The following ALK variants were observed in gnomAD, a reference collection of about 807,000 sequenced individuals.
The protein encoded by ALK is ALK receptor tyrosine kinase, also known as ALK tyrosine kinase receptor.
A neutral mutation model predicts 163.1 loss-of-function variants in ALK; 74 were observed. That is an observed-to-expected ratio of 0.45 (90% CI 0.38 to 0.55). The LOEUF is 0.55. Among genes scored for constraint, ALK ranks in the 20% least tolerant of loss-of-function variants. The pLI is 0.00. For missense variants in ALK, 2,063 were observed against 2,105.3 expected (o/e 0.98, Z 0.39); for synonymous variants, 960 against 843.2 (o/e 1.14, Z -2.40).
intron 1 of ALK, among the ~76,000 whole-genome samples, chr2:29,766,737 G>T (rs1168843451): frequency 6.6e-6 from 1 of 152,132 alleles, no homozygotes; most frequent in East Asian, 1.9e-4. Context: ...ATAAATGATT[G>T]TTGAATATAA....
At chr2:29,416,979 C>CTTTT (rs751862066) in intron 4 of ALK, among the ~76,000 whole-genome samples, 7 of 77,664 alleles carry the variant, frequency 9.0e-5, no homozygotes, top group South Asian at 4.7e-4. Context: ...ATGTTTGATG[C>CTTTT]TTTTTTTTTT....
chr2:29,286,577 C>T (rs919606715), intron 9 of ALK: 8 of 152,062 alleles, frequency 5.3e-5, no homozygotes, highest in Non-Finnish European at 8.8e-5. Context: ...TGGAAACCAT[C>T]GTCCTACACT....
intron 5 of ALK, among the ~76,000 whole-genome samples, 196 bp downstream of exon 5, chr2:29,383,536 T>G (rs1447841848): frequency 6.6e-6 from 1 of 152,288 alleles, no homozygotes; most frequent in African/African-American, 2.4e-5. Context: ...AGGCTGGTCT[T>G]GAACTCTTGA....
intron 1 of ALK, among the ~76,000 whole-genome samples, chr2:29,812,739 C>T (rs1276369316): frequency 6.6e-6 from 1 of 152,178 alleles, no homozygotes; most frequent in East Asian, 1.9e-4. Flanking sequence ...ACCTCCACTT[C>T]TGAGGACCCA....
intron 1 of ALK, among the ~76,000 whole-genome samples, chr2:29,719,392 T>C (rs1435776804): frequency 1.3e-5 from 2 of 152,188 alleles, no homozygotes; most frequent in African/African-American, 4.8e-5. Context: ...TGTTTGTGAG[T>C]TGCAGAGAGA....
chr2:29,642,881 T>G (rs1485262736), intron 3 of ALK, among the ~76,000 whole-genome samples: 1 of 152,210 alleles, frequency 6.6e-6, no homozygotes, highest in East Asian at 1.9e-4. Context: ...GTAACTATCA[T>G]TTAGTCATTT....
rs1302036397 is a variant in ALK at position 29,572,699 on chromosome 2, G to A, written c.953-40583C>T. On this transcript the variant is annotated intron_variant, in intron 3 of 28. Transcript: ENST00000389048. ...TCCCTTAAAGGTGAGGACCATGCCT[G>A]CCTGTTCTTCAGCTCCAATCCCCAC... 2.0e-5 allele frequency among the ~76,000 whole-genome samples: 3 copies of A among 152,194 alleles called. No homozygotes were observed. In the East Asian group the frequency reaches 5.8e-4, roughly 29 times the overall value.
intron 4 of ALK, among the ~76,000 whole-genome samples, chr2:29,477,111 T>G (rs1253708508): frequency 1.3e-5 from 2 of 151,424 alleles, no homozygotes; most frequent in Non-Finnish European, 2.9e-5. Flanking sequence ...CGAGGGAGAG[T>G]TGAGCTGAGC....
At chr2:29,280,637 T>A (rs575485702) in intron 9 of ALK, among the ~76,000 whole-genome samples, 2 of 150,472 alleles carry the variant, frequency 1.3e-5, no homozygotes, top group East Asian at 3.9e-4. Context: ...TGAGGGAAAG[T>A]TCTAGAATGT....
chr2:29,455,287 A>T (rs1042392441), intron 4 of ALK, among the ~76,000 whole-genome samples: 1 of 152,118 alleles, frequency 6.6e-6, no homozygotes, highest in African/African-American at 2.4e-5. Flanking sequence ...TTTCAGTGGA[A>T]TCAATGAAGG....
intron 4 of ALK, among the ~76,000 whole-genome samples, chr2:29,449,756 G>A (rs1192871816): frequency 6.6e-6 from 1 of 152,212 alleles, no homozygotes; most frequent in Non-Finnish European, 1.5e-5. Flanking sequence ...GTAGAGGCAT[G>A]GATTGCCAAA....
chr2:29,456,235 T>G (rs545348981), intron 4 of ALK, among the ~76,000 whole-genome samples: 1 of 152,108 alleles, frequency 6.6e-6, no homozygotes, highest in Admixed American at 6.6e-5. Flanking sequence ...CTGGAGAGAA[T>G]TGAAAGCAGG....
At chr2:29,908,270 A>G (rs1388655063) in intron 1 of ALK, among the ~76,000 whole-genome samples, 3 of 129,084 alleles carry the variant, frequency 2.3e-5, no homozygotes, top group South Asian at 2.9e-4. Flanking sequence ...GGCTGGTTCT[A>G]CTCTCCAGAG....
At chr2:29,760,652 A>C (rs1680674603) in intron 1 of ALK, among the ~76,000 whole-genome samples, 1 of 152,196 alleles carries the variant, frequency 6.6e-6, no homozygotes, top group Non-Finnish European at 1.5e-5. Flanking sequence ...GAAATTCACA[A>C]GTTATGCTGT....
chr2:29,399,901 C>A (rs1185668643), intron 4 of ALK, among the ~76,000 whole-genome samples: 1 of 152,150 alleles, frequency 6.6e-6, no homozygotes, highest in East Asian at 1.9e-4. Flanking sequence ...GCATGGAAAG[C>A]AGAAGGAAAT....
At chr2:29,566,776 T>C (rs1420113317) in intron 3 of ALK, among the ~76,000 whole-genome samples, 2 of 152,252 alleles carry the variant, frequency 1.3e-5, no homozygotes, top group Non-Finnish European at 2.9e-5. Context: ...AACTAATTCA[T>C]GCATATAATG....
chr2:29,895,160 T>C (rs892041138), intron 1 of ALK, among the ~76,000 whole-genome samples: 6 of 152,164 alleles, frequency 3.9e-5, no homozygotes, highest in African/African-American at 1.4e-4. Context: ...ATTTGGCAAG[T>C]TACACACAAG....
chr2:29,827,800 G>T (rs1384574157), intron 1 of ALK, among the ~76,000 whole-genome samples: 4 of 152,108 alleles, frequency 2.6e-5, no homozygotes, highest in East Asian at 1.9e-4. Context: ...TTTCTTCAAA[G>T]AATTGGAAAA....
chr2:29,578,913 T>C (rs4665472), intron 3 of ALK, among the ~76,000 whole-genome samples: 127,243 of 151,890 alleles, frequency 0.84, 53,827 homozygotes, highest in Non-Finnish European at 0.91. Flanking sequence ...ATCTGAGCAC[T>C]GTCTCTGTGC....
Sources: allele counts gnomAD v4.1 joint callset (sites outside exome capture counted in the v4.1 genomes callset), GRCh38; gene constraint gnomAD v4.1.1; transcripts MANE v1.5; gene names NCBI Gene and HGNC (gene_info 2026-07-23, HGNC 2026-07-21).